PTPRD: variants seen among roughly 807,000 people sequenced by gnomAD.
PTPRD encodes receptor-type tyrosine-protein phosphatase delta.
A neutral mutation model predicts 214.5 loss-of-function variants in PTPRD; 34 were observed. The observed-to-expected ratio is 0.16, with a 90% CI of 0.12 to 0.21. PTPRD has a LOEUF of 0.21. PTPRD is among the 10% of genes least tolerant of loss of function. The probability of loss-of-function intolerance (pLI) is 1.00; values close to 1 mark genes in which losing one functional copy is unlikely to be tolerated. For missense variants in PTPRD, 2,545 were observed against 2,398.7 expected, an observed-to-expected ratio of 1.06 and a Z score of -1.27; for synonymous variants, 1,128 against 845.7, an observed-to-expected ratio of 1.33 and a Z score of -5.79.
At chr9:8,341,025 G>C in intron 41 of PTPRD, 65 bp downstream of exon 41, 1 of 1,418,136 alleles carries the variant, frequency 7.1e-7, no homozygotes, top group Non-Finnish European at 9.5e-7. Flanking sequence ...ATTTATTCTG[G>C]TTATTAAACT....
At chr9:9,369,538 C>T (rs1467465241) in intron 9 of PTPRD, among the ~76,000 whole-genome samples, 1 of 151,816 alleles carries the variant, frequency 6.6e-6, no homozygotes, top group South Asian at 2.1e-4. Flanking sequence ...AGATTGCAAA[C>T]ATTTTCTCCC....
At chr9:9,043,286 G>A (rs1299546555) in intron 10 of PTPRD, among the ~76,000 whole-genome samples, 2 of 152,234 alleles carry the variant, frequency 1.3e-5, no homozygotes, top group African/African-American at 2.4e-5. Context: ...TATATTAACT[G>A]TAGGTCATTT....
intron 8 of PTPRD, among the ~76,000 whole-genome samples, chr9:9,410,604 G>C (rs1228161784): frequency 1.3e-5 from 2 of 152,114 alleles, no homozygotes; most frequent in African/African-American, 2.4e-5. Flanking sequence ...AGGGGCATGT[G>C]GCTTTTGCTG....
intron 4 of PTPRD, among the ~76,000 whole-genome samples, chr9:9,943,653 G>GAAA (rs35261613): frequency 6.6e-6 from 1 of 151,802 alleles, no homozygotes; most frequent in African/African-American, 2.4e-5. Context: ...TAAAATAAAA[G>GAAA]TGTAGTCATT....
At chr9:10,320,326 T>C (rs1388163329) in intron 3 of PTPRD, among the ~76,000 whole-genome samples, 2 of 152,072 alleles carry the variant, frequency 1.3e-5, no homozygotes, top group South Asian at 2.1e-4. Context: ...AAAAGCTGAC[T>C]ACATAAGCTT....
Position 9,172,851 on chromosome 9 carries a change from G to C in PTPRD, c.-143+10453C>G, listed in dbSNP as rs146520957. The stretch of plus-strand genomic sequence containing the variant: ...TAGCCTTTATCCTGCACCTGGCACT[G>C]TTTTTGCCCCATTTATTCAGTTCTA... On this transcript the variant is annotated intron_variant, in intron 10 of 45. Transcript: ENST00000381196. Among the ~76,000 whole-genome samples the C allele has an allele frequency of 1.4e-4, 22 of 152,198 alleles. No homozygotes were observed. The East Asian group carries it at 4.2e-3, about 29-fold the overall frequency.
intron 11 of PTPRD, among the ~76,000 whole-genome samples, chr9:8,830,146 C>T (rs1268039369): frequency 1.3e-5 from 2 of 152,064 alleles, no homozygotes; most frequent in Non-Finnish European, 2.9e-5. Flanking sequence ...TTATTATGTT[C>T]ATTTTACAGA....
intron 9 of PTPRD, among the ~76,000 whole-genome samples, chr9:9,345,856 T>C (rs1239014431): frequency 1.3e-5 from 2 of 152,166 alleles, no homozygotes; most frequent in East Asian, 3.9e-4. Context: ...TTAACAAACA[T>C]AAAGTGCCTG....
chr9:10,082,962 A>T (rs2154191136), intron 3 of PTPRD, among the ~76,000 whole-genome samples: 1 of 152,120 alleles, frequency 6.6e-6, no homozygotes, highest in South Asian at 2.1e-4. Flanking sequence ...TTACTTTAAG[A>T]AAACAACAGC....
At chr9:9,898,229 G>A (rs184202649) in intron 5 of PTPRD, among the ~76,000 whole-genome samples, 1 of 152,144 alleles carries the variant, frequency 6.6e-6, no homozygotes, top group Admixed American at 6.6e-5. Flanking sequence ...CTATATCAAT[G>A]CGTCAATTAA....
chr9:9,572,631 T>C (rs1314679780), intron 8 of PTPRD, among the ~76,000 whole-genome samples: 2 of 147,706 alleles, frequency 1.4e-5, no homozygotes, highest in African/African-American at 4.9e-5. Flanking sequence ...TATGTATATA[T>C]ATGTATTTAT....
intron 35 of PTPRD, among the ~76,000 whole-genome samples, chr9:8,409,794 T>C (rs990985395): frequency 6.6e-6 from 1 of 152,236 alleles, no homozygotes; most frequent in African/African-American, 2.4e-5. Flanking sequence ...AAGATCATCC[T>C]GTTTTTGTGT....
At chr9:9,084,376 G>A (rs527584342) in intron 10 of PTPRD, among the ~76,000 whole-genome samples, 2 of 152,170 alleles carry the variant, frequency 1.3e-5, no homozygotes, top group African/African-American at 2.4e-5. Flanking sequence ...CACAGGGAGG[G>A]GAACATCACA....
At chr9:9,629,161 G>A (rs955025577) in intron 7 of PTPRD, among the ~76,000 whole-genome samples, 5 of 150,848 alleles carry the variant, frequency 3.3e-5, no homozygotes, top group Admixed American at 6.6e-5. Flanking sequence ...GTGACAGAGC[G>A]AGACTCTGTG....
intron 7 of PTPRD, among the ~76,000 whole-genome samples, chr9:9,667,967 A>C (rs10739195): frequency 6.6e-6 from 1 of 152,066 alleles, no homozygotes; most frequent in South Asian, 2.1e-4. Context: ...TGCAAAGATT[A>C]TTGGAACAAC....
chr9:9,936,915 G>A (rs957526126), intron 5 of PTPRD, among the ~76,000 whole-genome samples: 4 of 147,492 alleles, frequency 2.7e-5, no homozygotes, highest in Admixed American at 6.8e-5. Flanking sequence ...ATGAGTTCAT[G>A]TCCTTTGTAG....
chr9:9,935,772 C>T (rs201651630), intron 5 of PTPRD, among the ~76,000 whole-genome samples: 1 of 149,368 alleles, frequency 6.7e-6, no homozygotes, highest in Non-Finnish European at 1.5e-5. Flanking sequence ...ATTGCCAAGT[C>T]AATCCTAAGC....
chr9:9,487,061 TTTA>T (rs1240188096), intron 8 of PTPRD, among the ~76,000 whole-genome samples: 1 of 152,108 alleles, frequency 6.6e-6, no homozygotes, highest in Non-Finnish European at 1.5e-5. Flanking sequence ...CATTTTCTTT[TTTA>T]TTATTATTAT....
chr9:10,048,372 C>T (rs2097447455), intron 3 of PTPRD, among the ~76,000 whole-genome samples: 1 of 152,086 alleles, frequency 6.6e-6, no homozygotes. Context: ...TTGTTTATAC[C>T]CATGATTTCA....
Sources: gnomAD v4.1 joint callset for allele counts (sites outside exome capture counted in the v4.1 genomes callset) on GRCh38, gnomAD v4.1.1 for gene constraint, MANE v1.5 for transcripts, NCBI Gene and HGNC (gene_info 2026-07-23, HGNC 2026-07-21) for gene names.